CBX1: variants seen among roughly 807,000 people sequenced by gnomAD.
CBX1 encodes chromobox protein homolog 1.
In CBX1, 10 loss-of-function variants were observed where a neutral mutation model predicts 25.1. The ratio of observed to expected loss-of-function variants is 0.40; its 90% CI spans 0.25 to 0.68. CBX1 has a LOEUF of 0.68. Among genes scored for constraint, CBX1 ranks in the 30% least tolerant of loss-of-function variants. CBX1 has a pLI of 0.40. For missense variants in CBX1, 106 were observed against 218.5 expected (o/e 0.49, Z 3.25); for synonymous variants, 63 against 79.4 (o/e 0.79, Z 1.10).
At chr17:48,097,417 C>G (rs992755281) in intron 1 of CBX1, among the ~76,000 whole-genome samples, 2 of 151,972 alleles carry the variant, frequency 1.3e-5, no homozygotes, top group Admixed American at 1.3e-4. Flanking sequence ...GAGTTCAACA[C>G]CAGCCTGGCC....
chr17:48,079,388 G>A (rs563783045), intron 1 of CBX1, among the ~76,000 whole-genome samples: 133 of 152,354 alleles, frequency 8.7e-4, no homozygotes, highest in African/African-American at 3.1e-3. Context: ...TTACAGGCAT[G>A]AGCCACTGTG....
intron 1 of CBX1, among the ~76,000 whole-genome samples, chr17:48,084,897 G>C (rs926461044): frequency 6.6e-6 from 1 of 151,258 alleles, no homozygotes; most frequent in Non-Finnish European, 1.5e-5. Context: ...GCGACAGAGC[G>C]AGACTCCGTC....
rs1184844619 is a variant in CBX1 at position 48,078,787 on chromosome 17, C to CTTT, written c.-37-1749_-37-1747dup. On this transcript the variant is annotated intron_variant, in intron 1 of 4. Transcript: ENST00000225603. The stretch of plus-strand genomic sequence containing the variant: ...ACAAGCGTGAGCCACCGTGCCTGGA[C>CTTT]TTTTTTTTTTTTTTTTTTTTTTGAG... Among the ~76,000 whole-genome samples, 27 of 76,250 alleles carry CTTT rather than the reference C, an allele frequency of 3.5e-4. 1 individual carries two copies. Among genetic ancestry groups the CTTT allele is most frequent in the South Asian group, 4.2e-4 (1 of 2,390 alleles). The allele number at this position is 76,250 out of a possible 152,430, so 50.0% of individuals were successfully genotyped here.
intron 4 of CBX1, among the ~76,000 whole-genome samples, chr17:48,072,782 CAA>C (rs35841265): frequency 1.4e-5 from 2 of 141,148 alleles, no homozygotes; most frequent in African/African-American, 2.6e-5. Flanking sequence ...GACTCTGTCT[CAA>C]AAAAAAAAAG....
chr17:48,071,639 G>C (rs895876901), intron 4 of CBX1, 60 bp from the exon 5 acceptor site: 28 of 1,447,090 alleles, frequency 1.9e-5, no homozygotes, highest in Non-Finnish European at 1.5e-5. Flanking sequence ...TCCTAAGTTG[G>C]ATAACCCAGG....
At chr17:48,087,411 T>G (rs906458559) in intron 1 of CBX1, among the ~76,000 whole-genome samples, 1 of 149,210 alleles carries the variant, frequency 6.7e-6, no homozygotes, top group Non-Finnish European at 1.5e-5. Context: ...CAGTCTCTAC[T>G]AAAAATACAA....
chr17:48,087,344 G>A (rs1378982776), intron 1 of CBX1, among the ~76,000 whole-genome samples: 1 of 151,764 alleles, frequency 6.6e-6, no homozygotes, highest in Non-Finnish European at 1.5e-5. Context: ...TGGGAGGCGA[G>A]GTGGGTGGAT....
At position 48,097,940 on chromosome 17, in the gene CBX1, A is replaced by AT. The variant is rs543248151; in HGVS notation, c.-38+3327dup. ...TTTTCAAGATTCTTTTAAAACAGAT[A>AT]TATTCAAGCTATTTGCTTGCTGACA... On this transcript the variant is annotated intron_variant, in intron 1 of 4. Coordinates refer to ENST00000225603, the MANE Select transcript of CBX1 (RefSeq NM_001127228.2). Among the ~76,000 whole-genome samples, 13 of 152,306 alleles carry AT rather than the reference A, an allele frequency of 8.5e-5. No homozygotes were observed. The South Asian group carries it at 2.7e-3, about 32-fold the overall frequency.
intron 4 of CBX1, among the ~76,000 whole-genome samples, chr17:48,072,099 C>T (rs1033193762): frequency 2.0e-5 from 3 of 151,316 alleles, no homozygotes; most frequent in Non-Finnish European, 2.9e-5. Context: ...TGGGTTCAAG[C>T]GATTTTCCTG....
chr17:48,101,008 G>C (rs2144483338), intron 1 of CBX1: 2 of 985,920 alleles, frequency 2.0e-6, no homozygotes, highest in Middle Eastern at 5.2e-4. Context: ...CGGCCCCCAA[G>C]TGCTCGGCCC....
chr17:48,081,001 G>C, intron 1 of CBX1, among the ~76,000 whole-genome samples: 1 of 65,736 alleles, frequency 1.5e-5, no homozygotes, highest in East Asian at 5.4e-4. Flanking sequence ...TATAAAATTT[G>C]TCTTAGAAAA....
chr17:48,084,426 G>T (rs551607878), intron 1 of CBX1, among the ~76,000 whole-genome samples: 1 of 146,594 alleles, frequency 6.8e-6, no homozygotes, highest in South Asian at 2.1e-4. Flanking sequence ...GCTCAGCCTG[G>T]TCTCCAACTC....
intron 1 of CBX1, among the ~76,000 whole-genome samples, chr17:48,090,932 G>A (rs552185137): frequency 6.6e-6 from 1 of 152,174 alleles, no homozygotes; most frequent in Non-Finnish European, 1.5e-5. Context: ...GCAGACAAGT[G>A]AGTGAGCACT....
intron 1 of CBX1, among the ~76,000 whole-genome samples, chr17:48,096,041 C>T (rs1013920663): frequency 6.6e-6 from 1 of 152,176 alleles, no homozygotes; most frequent in African/African-American, 2.4e-5. Flanking sequence ...CCACCACGCC[C>T]AGCTAATTGT....
intron 1 of CBX1, chr17:48,096,302 G>C: frequency 1.0e-6 from 1 of 973,522 alleles, no homozygotes; most frequent in Non-Finnish European, 1.2e-6. Flanking sequence ...AAAACCCCTT[G>C]AGTATGTTGA....
At chr17:48,098,834 T>TA (rs1375043746) in intron 1 of CBX1, among the ~76,000 whole-genome samples, 3 of 152,156 alleles carry the variant, frequency 2.0e-5, no homozygotes, top group East Asian at 1.9e-4. Flanking sequence ...GATTTTTTTT[T>TA]AAAAAAGGGA....
chr17:48,077,008 G>A lies in CBX1; in HGVS notation c.-4C>T, dbSNP rs761569678. On this transcript the variant is annotated 5_prime_UTR_variant, in exon 2 of 5. Transcript: ENST00000225603. ...TCTTGTTTTGTTTTTTCCCCATAGT[G>A]CCCGCCAGCTTTCTGGTGTAAAGGG... 2 of 1,611,648 alleles carry A rather than the reference G, an allele frequency of 1.2e-6. No homozygotes were observed.
chr17:48,095,490 G>A (rs951475652), intron 1 of CBX1, among the ~76,000 whole-genome samples: 35 of 152,140 alleles, frequency 2.3e-4, no homozygotes, highest in Non-Finnish European at 2.9e-5. Flanking sequence ...CTGGGAGGCT[G>A]AGGTTGCGGT....
intron 1 of CBX1, among the ~76,000 whole-genome samples, chr17:48,093,074 A>G (rs897854841): frequency 4.5e-5 from 2 of 44,874 alleles, no homozygotes; most frequent in African/African-American, 1.5e-4. Flanking sequence ...CTGTCTCAAA[A>G]AAAAAAAAAA....
Sources: gnomAD v4.1 joint callset for allele counts (sites outside exome capture counted in the v4.1 genomes callset) on GRCh38, gnomAD v4.1.1 for gene constraint, MANE v1.5 for transcripts, NCBI Gene and HGNC (gene_info 2026-07-23, HGNC 2026-07-21) for gene names.